The following SEMA3E variants were observed in gnomAD, a reference collection of about 807,000 sequenced individuals.
SEMA3E encodes the protein semaphorin 3E.
SEMA3E carries 49 observed loss-of-function variants against 93.6 expected under a neutral mutation model. That is an observed-to-expected ratio of 0.52 (90% CI 0.42 to 0.66). SEMA3E has a LOEUF of 0.66. SEMA3E is among the 30% of genes least tolerant of loss of function. The pLI, the probability that SEMA3E is intolerant of heterozygous loss-of-function variation, is 0.00. For missense variants in SEMA3E, 906 were observed against 964.8 expected (o/e 0.94, Z 0.81); for synonymous variants, 363 against 330.7 (o/e 1.10, Z -1.06).
rs1433120121 is a variant in SEMA3E, at chr7:83,448,720, T to G, written c.456+17762A>C. ...ATAACATTTCCAAACTAAAGTAGAC[T>G]AATGTAGCTGCTACAAAACATCCAC... On this transcript the variant is annotated intron_variant, in intron 4 of 16. Coordinates refer to ENST00000643230, the MANE Select transcript of SEMA3E (RefSeq NM_012431.3). Among the ~76,000 whole-genome samples the G allele has an allele frequency of 2.0e-5, 3 of 152,320 alleles. No homozygotes were observed. The East Asian group carries it at 5.8e-4, about 29-fold the overall frequency.
At chr7:83,410,983 C>A (rs978152467) in intron 5 of SEMA3E, among the ~76,000 whole-genome samples, 1 of 151,816 alleles carries the variant, frequency 6.6e-6, no homozygotes, top group Non-Finnish European at 1.5e-5. Flanking sequence ...GTTTTCTATT[C>A]TTTACATTTT....
rs1389305851 is a variant in SEMA3E at position 83,363,706 on chromosome 7, T to C, written c.*3880A>G. On this transcript the variant is annotated 3_prime_UTR_variant, in exon 17 of 17. Transcript: ENST00000643230. ...TTGGCCTGAAAAATGAGTCCTTTTT[T>C]AAAATGGAACTCAGTGTGACGCTCT... The C allele has an allele frequency of 1.3e-5, 2 of 152,160 alleles. No individual in the cohort carries two copies. The highest frequency in any genetic ancestry group is 2.9e-5 in the Non-Finnish European group (2 of 68,038). 9.4% of individuals were successfully genotyped at this position (152,160 alleles called of 1,614,324 possible). A position where few individuals can be genotyped will look rare whatever the true frequency, so the allele number is the denominator to read the frequency against.
intron 1 of SEMA3E, among the ~76,000 whole-genome samples, chr7:83,644,547 T>G (rs887169822): frequency 2.0e-5 from 3 of 151,992 alleles, no homozygotes; most frequent in African/African-American, 7.2e-5. Flanking sequence ...GTTGTTTCAC[T>G]TGATTATCTC....
In SEMA3E at chr7:83,385,361, G is replaced by A. The variant is rs1787857109; in HGVS notation, c.1808C>T (p.Thr603Ile). Residue 603 changes from threonine to isoleucine, a missense_variant, in exon 16 of 17, where the codon ACC becomes ATC. Transcript: ENST00000643230. Reference protein sequence around the residue: ...IENNSTLLECTPRSLQAKVIW... With the variant: ...IENNSTLLECIPRSLQAKVIW... Reference sequence around the variant, plus strand: ...AACTTTCGCTTGTAAAGATCGTGGGGTACATTCCAGCAAAGTACTGTTGTT... The same window carrying A: ...AACTTTCGCTTGTAAAGATCGTGGGATACATTCCAGCAAAGTACTGTTGTT... 6.2e-7 allele frequency: 1 copy of A among 1,613,488 alleles called. No individual in the cohort carries two copies. The highest frequency in any genetic ancestry group is 8.5e-7 in the Non-Finnish European group (1 of 1,179,632).
At chr7:83,451,917 G>A (rs1215450102) in intron 4 of SEMA3E, among the ~76,000 whole-genome samples, 5 of 152,136 alleles carry the variant, frequency 3.3e-5, no homozygotes, top group Admixed American at 1.3e-4. Flanking sequence ...TGCTTGCTGG[G>A]TCACAATTAT....
chr7:83,454,272 A>ATATATATATATATATATATATAT (rs1554327288), intron 4 of SEMA3E, among the ~76,000 whole-genome samples: 2 of 110,106 alleles, frequency 1.8e-5, no homozygotes, highest in African/African-American at 4.3e-5. Flanking sequence ...AAAAAAAAAA[A>ATATATATATATATATATATATAT]ATATATATAT....
chr7:83,438,741 A>T lies in SEMA3E; in HGVS notation c.457-20258T>A, dbSNP rs187112281. On this transcript the variant is annotated intron_variant, in intron 4 of 16. Transcript: ENST00000643230. ...TAATTTAATATGGCTAAATAATTATATATAATAAAAGTAGGCATTTATATA... is the reference window on the plus strand; with the variant it reads ...TAATTTAATATGGCTAAATAATTATTTATAATAAAAGTAGGCATTTATATA... Among the ~76,000 whole-genome samples, 33 of 152,170 alleles carry T rather than the reference A, an allele frequency of 2.2e-4. 1 individual carries two copies. Among genetic ancestry groups the T allele is most frequent in the African/African-American group, 7.5e-4 (31 of 41,544 alleles).
Position 83,496,675 on chromosome 7 carries a change from C to T in SEMA3E, c.116-6401G>A, listed in dbSNP as rs1311278048. ...AAAGGCAAGCAAGGCTTTCTTCCCT[C>T]CTTAAGAATTTTTCCTTTCTTAGTT... On this transcript the variant is annotated intron_variant, in intron 1 of 16. Coordinates refer to ENST00000643230, the MANE Select transcript of SEMA3E (RefSeq NM_012431.3). 2.0e-5 allele frequency among the ~76,000 whole-genome samples: 3 copies of T among 152,028 alleles called. No homozygotes were observed. In the South Asian group the frequency reaches 6.2e-4, roughly 32 times the overall value.
chr7:83,441,759 A>G (rs943656681), intron 4 of SEMA3E, among the ~76,000 whole-genome samples: 2 of 152,138 alleles, frequency 1.3e-5, no homozygotes, highest in African/African-American at 2.4e-5. Flanking sequence ...AGGTATGGAT[A>G]CACACACATA....
chr7:83,408,347 T>C, intron 6 of SEMA3E, 21 bp downstream of exon 6: 1 of 1,613,528 alleles, frequency 6.2e-7, no homozygotes, highest in Non-Finnish European at 8.5e-7. Flanking sequence ...CTAATTCACA[T>C]ACTCTTTTCC....
intron 1 of SEMA3E, among the ~76,000 whole-genome samples, chr7:83,511,475 T>C (rs1023331440): frequency 1.3e-5 from 2 of 152,152 alleles, no homozygotes; most frequent in Non-Finnish European, 2.9e-5. Context: ...ACTTCTTAAC[T>C]ACCTGCAGCT....
intron 1 of SEMA3E, among the ~76,000 whole-genome samples, chr7:83,644,444 C>G (rs549803437): frequency 6.6e-5 from 10 of 151,892 alleles, no homozygotes; most frequent in Non-Finnish European, 1.5e-4. Context: ...TCTTTAGGAC[C>G]TGTTTCCTTC....
intron 1 of SEMA3E, among the ~76,000 whole-genome samples, chr7:83,562,163 A>C (rs1792042547): frequency 6.6e-6 from 1 of 152,146 alleles, no homozygotes; most frequent in African/African-American, 2.4e-5. Flanking sequence ...TTAAATCTAA[A>C]AGCACAGAGT....
intron 4 of SEMA3E, among the ~76,000 whole-genome samples, chr7:83,462,942 C>G (rs1456005209): frequency 1.9e-5 from 2 of 107,930 alleles, no homozygotes; most frequent in African/African-American, 5.6e-5. Flanking sequence ...CCTTTGCACC[C>G]TTAATCCCAG....
At chr7:83,642,820 T>A (rs979812446) in intron 1 of SEMA3E, among the ~76,000 whole-genome samples, 3 of 152,076 alleles carry the variant, frequency 2.0e-5, no homozygotes, top group Non-Finnish European at 4.4e-5. Flanking sequence ...TTATAAATGG[T>A]ATAATTTTAG....
chr7:83,512,717 CTAT>C (rs1790849776), intron 1 of SEMA3E, among the ~76,000 whole-genome samples: 1 of 152,012 alleles, frequency 6.6e-6, no homozygotes, highest in Admixed American at 6.6e-5. Flanking sequence ...CACAACATAG[CTAT>C]TATATTTCTG....
At chr7:83,468,076 G>C (rs935763121) in intron 3 of SEMA3E, among the ~76,000 whole-genome samples, 2 of 152,096 alleles carry the variant, frequency 1.3e-5, no homozygotes, top group African/African-American at 4.8e-5. Context: ...TTACTGTCAC[G>C]TTTTATAAGG....
intron 1 of SEMA3E, among the ~76,000 whole-genome samples, chr7:83,596,333 A>G (rs1031136118): frequency 6.6e-6 from 1 of 151,856 alleles, no homozygotes; most frequent in African/African-American, 2.4e-5. Flanking sequence ...CAGATCAACC[A>G]TTTCAACCAC....
At chr7:83,372,618 C>T in intron 16 of SEMA3E, 1 of 193,654 alleles carries the variant, frequency 5.2e-6, no homozygotes, top group Non-Finnish European at 1.0e-5. Context: ...CCAGATTGGT[C>T]AAGATACAAG....
Sources: allele counts gnomAD v4.1 joint callset (sites outside exome capture counted in the v4.1 genomes callset), GRCh38; gene constraint gnomAD v4.1.1; transcripts MANE v1.5; gene names NCBI Gene and HGNC (gene_info 2026-07-23, HGNC 2026-07-21).